Variants in CLMP observed in about 807,000 individuals in gnomAD.
CLMP encodes CXADR-like membrane protein.
Under a neutral mutation model 45.2 loss-of-function variants are expected in CLMP, and 27 were observed. The ratio of observed to expected loss-of-function variants is 0.60; its 90% CI spans 0.44 to 0.82. The LOEUF (loss-of-function observed/expected upper bound fraction) is 0.82. Among genes scored for constraint, CLMP ranks in the 40% least tolerant of loss-of-function variants. The pLI is 0.00. For missense variants in CLMP, 403 were observed against 448.4 expected, an observed-to-expected ratio of 0.90 and a Z score of 0.91; for synonymous variants, 167 against 171.4, an observed-to-expected ratio of 0.97 and a Z score of 0.20.
Position 123,194,921 on chromosome 11 carries a change from A to G in CLMP, c.20T>C (p.Leu7Pro). The G allele has an allele frequency of 1.2e-6, 2 of 1,613,146 alleles. No individual in the cohort carries two copies. The highest frequency in any genetic ancestry group is 1.7e-6 in the Non-Finnish European group (2 of 1,179,590). The change falls in exon 1 of 7, where the codon CTC becomes CCC. Residue 7 changes from leucine (L) to proline (P), a missense_variant. Leu to Pro is a moderately conservative substitution (Grantham distance 98, BLOSUM62 -3). Coordinates refer to ENST00000448775, the MANE Select transcript of CLMP (RefSeq NM_024769.5). Reference protein sequence around the residue: MSLLLLLLLVSYYVGTL... With the variant: MSLLLLPLLVSYYVGTL... ...CTCCCAGAGGCACTCACCTAGCAAG[A>G]GGAGAAGGAGGAGGGACATCCCGAT... is the stretch of plus-strand genomic sequence containing the variant.
At chr11:123,128,035 CAAAAA>C (rs35399534) in intron 1 of CLMP, among the ~76,000 whole-genome samples, 1 of 91,862 alleles carries the variant, frequency 1.1e-5, no homozygotes. Flanking sequence ...GACTCTGTCT[CAAAAA>C]AAAAAAAAAA....
At chr11:123,162,943 C>T (rs1861507170) in intron 1 of CLMP, among the ~76,000 whole-genome samples, 1 of 151,798 alleles carries the variant, frequency 6.6e-6, no homozygotes, top group Non-Finnish European at 1.5e-5. Context: ...AATAAAAAAT[C>T]AGCATAAATA....
chr11:123,172,584 T>C (rs922906042), intron 1 of CLMP, among the ~76,000 whole-genome samples: 7 of 152,182 alleles, frequency 4.6e-5, no homozygotes, highest in Non-Finnish European at 7.4e-5. Context: ...TGAGCTCAGG[T>C]GATCCTCCCA....
intron 1 of CLMP, among the ~76,000 whole-genome samples, chr11:123,105,497 C>T (rs1417491458): frequency 1.3e-5 from 2 of 151,480 alleles, no homozygotes; most frequent in Non-Finnish European, 2.9e-5. Flanking sequence ...GTGGCACAAT[C>T]TTGGCTCACC....
intron 1 of CLMP, 73 bp downstream of exon 1, chr11:123,194,840 C>T (rs1055770918): frequency 3.2e-6 from 5 of 1,580,244 alleles, no homozygotes; most frequent in East Asian, 2.3e-5. Flanking sequence ...CGGTCAGAAC[C>T]GGCGTCTTTC....
chr11:123,194,677 A>T (rs1237984819), intron 1 of CLMP, among the ~76,000 whole-genome samples: 2 of 152,192 alleles, frequency 1.3e-5, no homozygotes, highest in Non-Finnish European at 2.9e-5. Flanking sequence ...AGGACCCTGC[A>T]CATCAAACGG....
At chr11:123,121,941 G>A (rs1306499872) in intron 1 of CLMP, among the ~76,000 whole-genome samples, 1 of 151,754 alleles carries the variant, frequency 6.6e-6, no homozygotes, top group Admixed American at 6.6e-5. Context: ...ATGGGGTTTT[G>A]CCATGTTGCC....
chr11:123,119,050 TCC>T (rs1565388071), intron 1 of CLMP, among the ~76,000 whole-genome samples: 4 of 37,602 alleles, frequency 1.1e-4, no homozygotes, highest in Non-Finnish European at 1.5e-4. Context: ...TCTCTCCCTC[TCC>T]CTCTCTCTCT....
intron 1 of CLMP, among the ~76,000 whole-genome samples, chr11:123,136,560 A>ATTTTTTTTTTTT (rs34074982): frequency 1.2e-5 from 1 of 85,854 alleles, no homozygotes; most frequent in African/African-American, 5.4e-5. Context: ...CTTTTAAGTA[A>ATTTTTTTTTTTT]TTTTTTTTTT....
intron 1 of CLMP, among the ~76,000 whole-genome samples, chr11:123,190,318 A>G (rs1482012531): frequency 6.6e-6 from 1 of 152,186 alleles, no homozygotes; most frequent in Non-Finnish European, 1.5e-5. Flanking sequence ...ACCAATTGCC[A>G]TGAGTGAACA....
intron 1 of CLMP, chr11:123,136,488 G>T: frequency 2.9e-6 from 1 of 340,104 alleles, no homozygotes. Context: ...GCCGCTCTAG[G>T]CCAAGATGGA....
At chr11:123,141,309 C>T (rs1304968819) in intron 1 of CLMP, among the ~76,000 whole-genome samples, 6 of 150,950 alleles carry the variant, frequency 4.0e-5, no homozygotes, top group African/African-American at 4.9e-5. Context: ...CTCAGCCTCC[C>T]GAGTAGCTGG....
intron 2 of CLMP, among the ~76,000 whole-genome samples, chr11:123,091,245 C>T (rs573569643): frequency 1.3e-5 from 2 of 152,284 alleles, no homozygotes; most frequent in African/African-American, 4.8e-5. Context: ...GCTGGGACCA[C>T]AGGCGCATGC....
chr11:123,191,142 T>C (rs1423907897), intron 1 of CLMP, among the ~76,000 whole-genome samples: 1 of 152,214 alleles, frequency 6.6e-6, no homozygotes, highest in East Asian at 1.9e-4. Flanking sequence ...GGTCTGGGAC[T>C]CAAAATTTTA....
intron 1 of CLMP, among the ~76,000 whole-genome samples, chr11:123,144,096 G>A (rs1861203861): frequency 6.6e-6 from 1 of 152,174 alleles, no homozygotes; most frequent in South Asian, 2.1e-4. Context: ...TTACAGGCAA[G>A]AGCCACTGCA....
At chr11:123,124,995 C>G (rs1365729128) in intron 1 of CLMP, among the ~76,000 whole-genome samples, 1 of 152,106 alleles carries the variant, frequency 6.6e-6, no homozygotes, top group African/African-American at 2.4e-5. Flanking sequence ...CTCCTAAGCT[C>G]AAGTGATCCT....
intron 1 of CLMP, among the ~76,000 whole-genome samples, chr11:123,119,165 C>A (rs1473321703): frequency 1.3e-5 from 2 of 150,756 alleles, no homozygotes; most frequent in East Asian, 3.9e-4. Context: ...CTCACCACAA[C>A]CTCCACCTCC....
chr11:123,135,605 C>G (rs768251337), intron 1 of CLMP, among the ~76,000 whole-genome samples: 52 of 152,084 alleles, frequency 3.4e-4, no homozygotes, highest in Non-Finnish European at 1.5e-4. Context: ...TAATATTTCA[C>G]TAGGCAATAA....
At chr11:123,078,352 C>A (rs1865763662) in intron 5 of CLMP, among the ~76,000 whole-genome samples, 1 of 152,094 alleles carries the variant, frequency 6.6e-6, no homozygotes, top group South Asian at 2.1e-4. Context: ...AGAAACCAGA[C>A]AAAATGGAAT....
Sources: allele counts gnomAD v4.1 joint callset (sites outside exome capture counted in the v4.1 genomes callset), GRCh38; gene constraint gnomAD v4.1.1; transcripts MANE v1.5; gene names NCBI Gene and HGNC (gene_info 2026-07-23, HGNC 2026-07-21).